The following ZNF521 variants were observed in gnomAD, a reference collection of about 807,000 sequenced individuals.
ZNF521 encodes the protein LYST-interacting protein 3.
A neutral mutation model predicts 105.5 loss-of-function variants in ZNF521; 14 were observed. The ratio of observed to expected loss-of-function variants is 0.13; its 90% CI spans 0.09 to 0.21. ZNF521 has a LOEUF of 0.21. Ranked by LOEUF, ZNF521 falls within the 10% of genes least tolerant of loss-of-function variation. The pLI, the probability that ZNF521 is intolerant of heterozygous loss-of-function variation, is 1.00. For missense variants in ZNF521, 1,233 were observed against 1,629.7 expected, an observed-to-expected ratio of 0.76 and a Z score of 4.19; for synonymous variants, 635 against 606.0, an observed-to-expected ratio of 1.05 and a Z score of -0.70.
chr18:25,256,464 C>T (rs908678331), intron 3 of ZNF521, among the ~76,000 whole-genome samples: 3 of 152,046 alleles, frequency 2.0e-5, no homozygotes, highest in African/African-American at 7.2e-5. Context: ...ATGATGCCAA[C>T]AAAAGCATAA....
Position 25,175,869 on chromosome 18 carries a change from C to T in ZNF521, c.3658+19291G>A, listed in dbSNP as rs376018839. On this transcript the variant is annotated intron_variant, in intron 5 of 7. Transcript: ENST00000361524. ...ATAAATGGAAAGTTTCCTAGGACTT[C>T]GAAGAGGCAGAAAAAAATGCCACCT... Among the ~76,000 whole-genome samples, 8 of 152,144 alleles carry T rather than the reference C, an allele frequency of 5.3e-5. No individual in the cohort carries two copies. The Middle Eastern group carries it at 0.014, about 259-fold the overall frequency.
intron 3 of ZNF521, among the ~76,000 whole-genome samples, chr18:25,316,894 G>A (rs1039527078): frequency 4.3e-5 from 6 of 139,404 alleles, no homozygotes; most frequent in Admixed American, 1.5e-4. Context: ...CACTCTTGTC[G>A]CCTAGGCTAG....
intron 3 of ZNF521, among the ~76,000 whole-genome samples, chr18:25,298,131 A>G (rs370062347): frequency 1.3e-5 from 2 of 152,308 alleles, no homozygotes; most frequent in Non-Finnish European, 2.9e-5. Context: ...TTGAGTTACT[A>G]TTGTCAGAGA....
intron 5 of ZNF521, among the ~76,000 whole-genome samples, chr18:25,188,596 T>G (rs954396926): frequency 2.0e-5 from 3 of 152,238 alleles, no homozygotes; most frequent in Non-Finnish European, 4.4e-5. Flanking sequence ...TACCCACATC[T>G]GATAAGGAAC....
chr18:25,148,539 G>T (rs2034988493), intron 5 of ZNF521, among the ~76,000 whole-genome samples: 1 of 151,782 alleles, frequency 6.6e-6, no homozygotes, highest in Admixed American at 6.6e-5. Flanking sequence ...AAATATTCTG[G>T]AAACAGGCTA....
At chr18:25,317,577 C>T (rs973265643) in intron 3 of ZNF521, among the ~76,000 whole-genome samples, 7 of 152,158 alleles carry the variant, frequency 4.6e-5, no homozygotes, top group South Asian at 4.1e-4. Flanking sequence ...CCAGTGGGAA[C>T]GCTGAAGTTC....
At chr18:25,249,491 T>C (rs1211085094) in intron 3 of ZNF521, among the ~76,000 whole-genome samples, 1 of 150,756 alleles carries the variant, frequency 6.6e-6, no homozygotes, top group African/African-American at 2.5e-5. Flanking sequence ...TAAGACAGTC[T>C]TGTTCTGTCA....
intron 5 of ZNF521, among the ~76,000 whole-genome samples, chr18:25,168,753 C>T (rs1031519058): frequency 1.3e-5 from 2 of 152,156 alleles, no homozygotes; most frequent in Non-Finnish European, 2.9e-5. Flanking sequence ...ATCTTCCAGG[C>T]ACGTACAGTA....
chr18:25,292,946 A>C (rs558258413), intron 3 of ZNF521, among the ~76,000 whole-genome samples: 395 of 152,254 alleles, frequency 2.6e-3, no homozygotes, highest in Non-Finnish European at 3.7e-3. Context: ...CTCTCCTCAT[A>C]CTGTAGGAAG....
chr18:25,330,295 C>G (rs1001509207), intron 2 of ZNF521, among the ~76,000 whole-genome samples: 1 of 152,132 alleles, frequency 6.6e-6, no homozygotes, highest in African/African-American at 2.4e-5. Flanking sequence ...TCTCAAGTAG[C>G]TGGGACTACA....
intron 3 of ZNF521, among the ~76,000 whole-genome samples, chr18:25,317,566 T>C (rs1912708913): frequency 6.6e-6 from 1 of 152,216 alleles, no homozygotes; most frequent in South Asian, 2.1e-4. Context: ...GTCATGTCAG[T>C]CCAGTGGGAA....
intron 3 of ZNF521, among the ~76,000 whole-genome samples, chr18:25,286,615 C>T (rs985400910): frequency 6.6e-6 from 1 of 152,188 alleles, no homozygotes; most frequent in Non-Finnish European, 1.5e-5. Flanking sequence ...AGTCACATCT[C>T]ATAGACTATA....
At chr18:25,345,607 C>A (rs7238737) in intron 2 of ZNF521, among the ~76,000 whole-genome samples, 9 of 152,284 alleles carry the variant, frequency 5.9e-5, no homozygotes, top group Admixed American at 5.9e-4. Flanking sequence ...GTGCTGAAAT[C>A]GTGAAACCGG....
chr18:25,150,422 A>G (rs2035024964), intron 5 of ZNF521, among the ~76,000 whole-genome samples: 1 of 152,170 alleles, frequency 6.6e-6, no homozygotes, highest in Admixed American at 6.6e-5. Flanking sequence ...TTTCCCTAAA[A>G]CCTACAGAAA....
rs138952036 is a variant in ZNF521, at chr18:25,071,940, A to G, written c.3907-9199T>C. Among the ~76,000 whole-genome samples, 730 of 152,286 alleles carry G rather than the reference A, an allele frequency of 4.8e-3. 6 individuals carry two copies. The highest frequency in any genetic ancestry group is 0.016 in the African/African-American group (673 of 41,560). The stretch of plus-strand genomic sequence containing the variant: ...AAAGGGAGAGAATGGCCCCCGAAGT[A>G]GAGGGAAGAGCAGCAGCAAAGCTGA... On this transcript the variant is annotated intron_variant, in intron 7 of 7. Transcript: ENST00000361524.
intron 5 of ZNF521, among the ~76,000 whole-genome samples, chr18:25,162,321 A>G (rs2035265742): frequency 6.6e-6 from 1 of 152,216 alleles, no homozygotes; most frequent in Non-Finnish European, 1.5e-5. Context: ...CAAACTAAAG[A>G]TACAAAATAA....
chr18:25,323,829 T>A (rs755448343), intron 2 of ZNF521, among the ~76,000 whole-genome samples: 1 of 151,988 alleles, frequency 6.6e-6, no homozygotes, highest in African/African-American at 2.4e-5. Flanking sequence ...TTCCTTCACA[T>A]CTTCAATAAA....
At position 25,272,579 on chromosome 18, in the gene ZNF521, G is replaced by A. The variant is rs186524588; in HGVS notation, c.221-44882C>T. Reference sequence around the variant, plus strand: ...TATATACACCACGGAATACTATGCAGCCATAAAAAAGAAAGAGTTCATGTC... The same window carrying A: ...TATATACACCACGGAATACTATGCAACCATAAAAAAGAAAGAGTTCATGTC... On this transcript the variant is annotated intron_variant, in intron 3 of 7. Coordinates refer to ENST00000361524, the MANE Select transcript of ZNF521 (RefSeq NM_015461.3). 6.0e-4 allele frequency among the ~76,000 whole-genome samples: 92 copies of A among 152,234 alleles called. 1 individual carries two copies. Among genetic ancestry groups the A allele is most frequent in the South Asian group, 1.7e-3 (8 of 4,812 alleles).
intron 5 of ZNF521, among the ~76,000 whole-genome samples, chr18:25,171,346 T>C (rs1157566794): frequency 6.6e-6 from 1 of 152,134 alleles, no homozygotes; most frequent in African/African-American, 2.4e-5. Context: ...GTCACATTCA[T>C]TATGCCTCTA....
Sources: gnomAD v4.1 joint callset for allele counts (sites outside exome capture counted in the v4.1 genomes callset) on GRCh38, gnomAD v4.1.1 for gene constraint, MANE v1.5 for transcripts, NCBI Gene and HGNC (gene_info 2026-07-23, HGNC 2026-07-21) for gene names.